The following CTNNA1 variants were observed in gnomAD, a reference collection of about 807,000 sequenced individuals.
The protein encoded by CTNNA1 is catenin alpha-1.
Under a neutral mutation model 98.4 loss-of-function variants are expected in CTNNA1, and 37 were observed. That is an observed-to-expected ratio of 0.38 (90% CI 0.29 to 0.49). CTNNA1 has a LOEUF of 0.49. Ranked by LOEUF, CTNNA1 falls within the 20% of genes least tolerant of loss-of-function variation. CTNNA1 has a pLI of 0.95. For synonymous variants in CTNNA1, 404 were observed against 413.2 expected (o/e 0.98, Z 0.27); for missense variants, 761 against 1,147.2 (o/e 0.66, Z 4.86).
intron 4 of CTNNA1, 38 bp from the exon 5 acceptor site, chr5:138,812,145 C>T (rs1194980718): frequency 1.3e-6 from 2 of 1,593,030 alleles, no homozygotes; most frequent in South Asian, 2.3e-5. Flanking sequence ...GACCTACATT[C>T]AGAATTTTTG....
chr5:138,908,401 C>T (rs1289062586), intron 10 of CTNNA1, among the ~76,000 whole-genome samples: 2 of 152,204 alleles, frequency 1.3e-5, no homozygotes, highest in East Asian at 3.8e-4. Context: ...AGGCCCTGTG[C>T]TCACATCTGT....
In CTNNA1 at chr5:138,904,224, G is replaced by A. The variant is rs564019960; in HGVS notation, c.1297-125G>A. On this transcript the variant is annotated intron_variant, in intron 9 of 17. Transcript: ENST00000302763. The stretch of plus-strand genomic sequence containing the variant: ...ATCTAAGTAAATAATCAGGCTGTGA[G>A]AAGGGAGGCACCCTTGGTGCCCTTG... 16 of 1,195,532 alleles carry A rather than the reference G, an allele frequency of 1.3e-5. 1 individual carries two copies. In the South Asian group the frequency reaches 2.9e-4, roughly 22 times the overall value. 74.1% of individuals were successfully genotyped at this position (1,195,532 alleles called of 1,614,324 possible). A position where few individuals can be genotyped will look rare whatever the true frequency, so the allele number is the denominator to read the frequency against.
intron 1 of CTNNA1, among the ~76,000 whole-genome samples, chr5:138,773,321 C>T (rs1221471491): frequency 6.6e-6 from 1 of 152,140 alleles, no homozygotes; most frequent in Non-Finnish European, 1.5e-5. Context: ...CTTTAGAGTG[C>T]CTTTCTGTCA....
At chr5:138,811,206 G>C (rs1251959038) in intron 4 of CTNNA1, among the ~76,000 whole-genome samples, 1 of 146,248 alleles carries the variant, frequency 6.8e-6, no homozygotes. Context: ...CAGACGGGGC[G>C]GCCGGGCAGA....
chr5:138,877,705 C>T (rs1383023772), intron 7 of CTNNA1, among the ~76,000 whole-genome samples: 1 of 152,142 alleles, frequency 6.6e-6, no homozygotes, highest in Non-Finnish European at 1.5e-5. Context: ...CCTCGGCCTC[C>T]CAAAGTGCTG....
chr5:138,785,050 G>GAATT (rs1755521639), intron 3 of CTNNA1, among the ~76,000 whole-genome samples: 3 of 143,440 alleles, frequency 2.1e-5, no homozygotes, highest in East Asian at 4.2e-4. Context: ...AGTGAGTTTT[G>GAATT]AATTAATTAA....
chr5:138,860,113 C>T (rs887388586), intron 7 of CTNNA1, among the ~76,000 whole-genome samples: 1 of 151,970 alleles, frequency 6.6e-6, no homozygotes, highest in African/African-American at 2.4e-5. Context: ...AATGTGGTAC[C>T]TCTGATACTG....
intron 1 of CTNNA1, among the ~76,000 whole-genome samples, chr5:138,774,387 G>A (rs568645184): frequency 7.7e-4 from 117 of 152,094 alleles, no homozygotes; most frequent in Non-Finnish European, 1.3e-3. Context: ...TGTCACTAAC[G>A]TTAAAGTTGG....
intron 1 of CTNNA1, among the ~76,000 whole-genome samples, chr5:138,764,585 C>T (rs993555090): frequency 1.1e-4 from 16 of 151,816 alleles, no homozygotes; most frequent in African/African-American, 3.9e-4. Context: ...GATTCTCCTG[C>T]CTTAGCCTCC....
intron 1 of CTNNA1, among the ~76,000 whole-genome samples, chr5:138,771,677 C>G (rs1753573383): frequency 6.6e-6 from 1 of 152,090 alleles, no homozygotes; most frequent in Non-Finnish European, 1.5e-5. Flanking sequence ...CAGAGTGTGT[C>G]TTAATTATAA....
chr5:138,798,205 T>C (rs1364320292), intron 3 of CTNNA1, among the ~76,000 whole-genome samples: 2 of 152,074 alleles, frequency 1.3e-5, no homozygotes, highest in Non-Finnish European at 2.9e-5. Flanking sequence ...GAAGTATTTG[T>C]TGAGCTTTGC....
At chr5:138,769,511 C>T (rs1753291789) in intron 1 of CTNNA1, among the ~76,000 whole-genome samples, 1 of 151,764 alleles carries the variant, frequency 6.6e-6, no homozygotes, top group African/African-American at 2.4e-5. Context: ...GCCTCAGCCT[C>T]CCGATATTTT....
rs1355620253 is a variant in CTNNA1, at chr5:138,931,574, C to T, written c.2298+639C>T. 13 of 983,054 alleles carry T rather than the reference C, an allele frequency of 1.3e-5. No individual in the cohort carries two copies. The Admixed American group carries it at 1.8e-4, about 14-fold the overall frequency. 60.9% of individuals were successfully genotyped at this position (983,054 alleles called of 1,614,324 possible). A position where few individuals can be genotyped will look rare whatever the true frequency, so the allele number is the denominator to read the frequency against. On this transcript the variant is annotated intron_variant, in intron 16 of 17. Transcript: ENST00000302763. ...AAGGCATCCTTGACTCCCACACAAT[C>T]GGTAATAGGGCCTATTGCTTCCATT...
rs386405098 is a variant in CTNNA1 at position 138,921,596 on chromosome 5, ATTTTTT to A, written c.1547-2896_1547-2891del. On this transcript the variant is annotated intron_variant, in intron 11 of 17. Transcript: ENST00000302763. ...AAGTGGTGAAGTTAGATTAGTGGTG[ATTTTTT>A]TTTTTTTTTTTTTTTTTGAGATGGA... Among the ~76,000 whole-genome samples, 84 of 104,040 alleles carry A rather than the reference ATTTTTT, an allele frequency of 8.1e-4. 2 individuals are homozygous for A. Among genetic ancestry groups the A allele is most frequent in the African/African-American group, 3.3e-3 (80 of 24,472 alleles). 68.3% of individuals were successfully genotyped at this position (104,040 alleles called of 152,430 possible).
chr5:138,824,118 AGTTT>A (rs1029263215), intron 5 of CTNNA1, among the ~76,000 whole-genome samples: 1 of 152,110 alleles, frequency 6.6e-6, no homozygotes, highest in African/African-American at 2.4e-5. Flanking sequence ...GATGCTAGGC[AGTTT>A]GTTTTGTCTT....
At chr5:138,845,996 G>A (rs963232873) in intron 7 of CTNNA1, among the ~76,000 whole-genome samples, 7 of 151,992 alleles carry the variant, frequency 4.6e-5, no homozygotes, top group Admixed American at 4.6e-4. Flanking sequence ...GCGCGATCAC[G>A]GCTCACTGCA....
chr5:138,794,352 TA>T (rs900080061), intron 3 of CTNNA1, among the ~76,000 whole-genome samples: 8 of 147,992 alleles, frequency 5.4e-5, no homozygotes, highest in Admixed American at 2.7e-4. Context: ...TGTGTGGATT[TA>T]AAAAAAAAAC....
At chr5:138,926,517 T>C (rs1035473000) in intron 13 of CTNNA1, among the ~76,000 whole-genome samples, 13 of 152,126 alleles carry the variant, frequency 8.5e-5, no homozygotes, top group African/African-American at 2.7e-4. Flanking sequence ...ACTTGCCGAT[T>C]TCGTTGAGGA....
chr5:138,817,979 C>A (rs1759601713), intron 5 of CTNNA1, among the ~76,000 whole-genome samples: 1 of 151,504 alleles, frequency 6.6e-6, no homozygotes, highest in Admixed American at 6.6e-5. Context: ...CTCCACCTCC[C>A]AGGTTCAAAT....
Sources: allele counts gnomAD v4.1 joint callset (sites outside exome capture counted in the v4.1 genomes callset), GRCh38; gene constraint gnomAD v4.1.1; transcripts MANE v1.5; gene names NCBI Gene and HGNC (gene_info 2026-07-23, HGNC 2026-07-21).